ROBO2: variants seen among roughly 807,000 people sequenced by gnomAD.
ROBO2 encodes the protein roundabout homolog 2.
Under a neutral mutation model 160.8 loss-of-function variants are expected in ROBO2, and 53 were observed. That is an observed-to-expected ratio of 0.33 (90% CI 0.26 to 0.41). ROBO2 has a LOEUF of 0.41. ROBO2 is among the 10% of genes least tolerant of loss of function. The pLI is 1.00. For missense variants in ROBO2, 1,577 were observed against 1,722.4 expected (o/e 0.92, Z 1.49); for synonymous variants, 664 against 611.7 (o/e 1.09, Z -1.26).
At chr3:76,072,445 A>G (rs1485476610) in intron 2 of ROBO2, among the ~76,000 whole-genome samples, 1 of 152,148 alleles carries the variant, frequency 6.6e-6, no homozygotes, top group Admixed American at 6.5e-5. Flanking sequence ...TGTTGAATAT[A>G]AAATAAAACT....
intron 2 of ROBO2, among the ~76,000 whole-genome samples, chr3:76,218,031 C>G (rs1394681442): frequency 1.3e-5 from 2 of 152,092 alleles, no homozygotes; most frequent in African/African-American, 4.8e-5. Context: ...TAAATGTAAT[C>G]CAGCATATAA....
intron 2 of ROBO2, among the ~76,000 whole-genome samples, chr3:77,253,316 G>T (rs1308200468): frequency 6.6e-6 from 1 of 152,140 alleles, no homozygotes; most frequent in Non-Finnish European, 1.5e-5. Context: ...ATTTCTATGA[G>T]TTGAATTATG....
intron 2 of ROBO2, among the ~76,000 whole-genome samples, chr3:76,044,732 A>T (rs1326536880): frequency 2.0e-5 from 3 of 152,040 alleles, no homozygotes; most frequent in African/African-American, 7.3e-5. Context: ...CATAAATAAA[A>T]TACTCTGGGA....
rs376754917 is a variant in ROBO2, at chr3:76,296,814, A to G, written c.109+359212A>G. On this transcript the variant is annotated intron_variant, in intron 2 of 26. Transcript: ENST00000487694. ...ATATGGAAGTGACTTTATAGATTCA[A>G]TGTCTTAAAACTAGGTGAGCGGGTA... Among the ~76,000 whole-genome samples, 33 of 152,324 alleles carry G rather than the reference A, an allele frequency of 2.2e-4. No homozygotes were observed. The South Asian group carries it at 6.4e-3, about 30-fold the overall frequency.
intron 2 of ROBO2, among the ~76,000 whole-genome samples, chr3:76,791,484 G>A (rs2063348092): frequency 6.7e-6 from 1 of 150,024 alleles, no homozygotes; most frequent in Non-Finnish European, 1.5e-5. Flanking sequence ...CTCTCTCTCT[G>A]TGTTTTTCTC....
chr3:76,129,855 A>G (rs2071157813), intron 2 of ROBO2, among the ~76,000 whole-genome samples: 1 of 151,892 alleles, frequency 6.6e-6, no homozygotes, highest in African/African-American at 2.4e-5. Context: ...GCACCAGGAT[A>G]TTTTCATATC....
chr3:76,176,024 T>C (rs901815502), intron 2 of ROBO2, among the ~76,000 whole-genome samples: 2 of 152,154 alleles, frequency 1.3e-5, no homozygotes, highest in Non-Finnish European at 2.9e-5. Flanking sequence ...CTGAATTGTA[T>C]TGATATCATT....
intron 1 of ROBO2, among the ~76,000 whole-genome samples, chr3:77,063,247 C>A (rs780823114): frequency 6.6e-6 from 1 of 152,152 alleles, no homozygotes; most frequent in South Asian, 2.1e-4. Context: ...TAACCAGTTA[C>A]ATGAAATGGC....
At chr3:77,513,392 T>C (rs1165947852) in intron 5 of ROBO2, among the ~76,000 whole-genome samples, 1 of 151,870 alleles carries the variant, frequency 6.6e-6, no homozygotes, top group Non-Finnish European at 1.5e-5. Context: ...TGTTTGATAT[T>C]TTAAAAATAA....
At chr3:76,972,349 AT>A (rs11296753) in intron 2 of ROBO2, among the ~76,000 whole-genome samples, 5,632 of 145,128 alleles carry the variant, frequency 0.039, 163 homozygotes, top group African/African-American at 0.08. Context: ...AGTTGAAAAC[AT>A]TTTTTTTTTT....
At chr3:76,250,731 A>G (rs1177998902) in intron 2 of ROBO2, among the ~76,000 whole-genome samples, 3 of 152,084 alleles carry the variant, frequency 2.0e-5, no homozygotes, top group African/African-American at 4.8e-5. Flanking sequence ...AAGTACTAAT[A>G]GTACTAAAAA....
rs373950292 is a variant in ROBO2, at chr3:76,137,981, A to G, written c.109+200379A>G. Among the ~76,000 whole-genome samples, 9 of 152,170 alleles carry G rather than the reference A, an allele frequency of 5.9e-5. No individual in the cohort carries two copies. In the South Asian group the frequency reaches 1.9e-3, roughly 32 times the overall value. ...ACATCTGCAAAATATCCTTTGCCAC[A>G]TAAGGTAATATATTCACAAGTAGGA... On this transcript the variant is annotated intron_variant, in intron 2 of 26. Coordinates refer to the ROBO2 transcript ENST00000487694.
chr3:76,447,989 A>C (rs1577261047), intron 2 of ROBO2, among the ~76,000 whole-genome samples: 1 of 151,886 alleles, frequency 6.6e-6, no homozygotes, highest in Non-Finnish European at 1.5e-5. Flanking sequence ...ACATGTATAC[A>C]TATGTAACAA....
At chr3:76,934,454 A>C (rs2077555630) in intron 2 of ROBO2, among the ~76,000 whole-genome samples, 1 of 152,142 alleles carries the variant, frequency 6.6e-6, no homozygotes, top group South Asian at 2.1e-4. Context: ...AAAGAAAAAA[A>C]AACTTTGGCT....
chr3:76,797,617 A>G (rs1165710658), intron 2 of ROBO2, among the ~76,000 whole-genome samples: 1 of 151,918 alleles, frequency 6.6e-6, no homozygotes, highest in African/African-American at 2.4e-5. Flanking sequence ...AAAAAAGACA[A>G]TACAAAATGA....
At chr3:76,396,548 C>T (rs553351545) in intron 2 of ROBO2, among the ~76,000 whole-genome samples, 12 of 152,056 alleles carry the variant, frequency 7.9e-5, no homozygotes, top group South Asian at 6.2e-4. Context: ...TGTTTGCAGA[C>T]GACATGATTA....
chr3:76,440,024 C>G (rs2076852393), intron 2 of ROBO2, among the ~76,000 whole-genome samples: 1 of 152,042 alleles, frequency 6.6e-6, no homozygotes, highest in Admixed American at 6.6e-5. Flanking sequence ...CAGTCCTTCT[C>G]CTTAAGAAGA....
At chr3:77,418,485 G>T (rs1192079122) in intron 2 of ROBO2, among the ~76,000 whole-genome samples, 2 of 152,034 alleles carry the variant, frequency 1.3e-5, no homozygotes, top group Admixed American at 1.3e-4. Context: ...TATAATTTAT[G>T]ATTTGTTCTT....
intron 1 of ROBO2, among the ~76,000 whole-genome samples, chr3:77,057,008 C>A (rs1028535053): frequency 6.6e-6 from 1 of 152,218 alleles, no homozygotes; most frequent in Admixed American, 6.5e-5. Flanking sequence ...AAGACACATG[C>A]ACACGTATGT....
Sources: allele counts gnomAD v4.1 joint callset (sites outside exome capture counted in the v4.1 genomes callset), GRCh38; gene constraint gnomAD v4.1.1; transcripts MANE v1.5; gene names NCBI Gene and HGNC (gene_info 2026-07-23, HGNC 2026-07-21).